Variants in NMNAT2 observed in about 807,000 individuals in gnomAD.
The protein encoded by NMNAT2 is nicotinamide nucleotide adenylyltransferase 2.
NMNAT2 carries 11 observed loss-of-function variants against 41.6 expected under a neutral mutation model. The ratio of observed to expected loss-of-function variants is 0.26; its 90% CI spans 0.17 to 0.44. The LOEUF (loss-of-function observed/expected upper bound fraction) is 0.44. Ranked by LOEUF, NMNAT2 falls within the 20% of genes least tolerant of loss-of-function variation. NMNAT2 has a pLI of 1.00. For missense variants in NMNAT2, 288 were observed against 407.7 expected (o/e 0.71, Z 2.53); for synonymous variants, 148 against 151.2 (o/e 0.98, Z 0.16).
At chr1:183,287,114 G>T (rs1401231710) in intron 4 of NMNAT2, among the ~76,000 whole-genome samples, 2 of 152,076 alleles carry the variant, frequency 1.3e-5, no homozygotes, top group Non-Finnish European at 2.9e-5. Flanking sequence ...GTCTTTTTCA[G>T]TTGTGGTCGG....
intron 1 of NMNAT2, among the ~76,000 whole-genome samples, chr1:183,316,275 A>G (rs112751399): frequency 0.063 from 9,553 of 152,192 alleles, 852 homozygotes; most frequent in African/African-American, 0.2. Flanking sequence ...TGAAGAGGGA[A>G]AGGGTGGCAG....
At chr1:183,383,824 C>A (rs1013239012) in intron 1 of NMNAT2, among the ~76,000 whole-genome samples, 6 of 152,226 alleles carry the variant, frequency 3.9e-5, no homozygotes, top group African/African-American at 1.4e-4. Flanking sequence ...TTGGTCACAA[C>A]AATTTAACAA....
chr1:183,294,745 G>A lies in NMNAT2; in HGVS notation c.86-952C>T, dbSNP rs558759772. On this transcript the variant is annotated intron_variant, in intron 1 of 10. Transcript: ENST00000287713. Reference sequence around the variant, plus strand: ...GCAGAGATTGCAGTGAGCTGAGATCGTGCCACTGCACTCCAGCCTGGGTGA... The same window carrying A: ...GCAGAGATTGCAGTGAGCTGAGATCATGCCACTGCACTCCAGCCTGGGTGA... Among the ~76,000 whole-genome samples, 128 of 152,184 alleles carry A rather than the reference G, an allele frequency of 8.4e-4. 1 individual carries two copies. The highest frequency in any genetic ancestry group is 2.9e-3 in the African/African-American group (119 of 41,534).
chr1:183,377,804 A>G (rs1663712484), intron 1 of NMNAT2, among the ~76,000 whole-genome samples: 2 of 152,244 alleles, frequency 1.3e-5, no homozygotes, highest in South Asian at 4.1e-4. Context: ...TGGGTGTTGG[A>G]GCTATCAGAT....
At chr1:183,278,410 G>A in intron 8 of NMNAT2, 143 bp downstream of exon 8, 1 of 609,738 alleles carries the variant, frequency 1.6e-6, no homozygotes, top group South Asian at 1.9e-5. Context: ...TTGGGGGTAG[G>A]TGAGAATTTT....
intron 1 of NMNAT2, among the ~76,000 whole-genome samples, chr1:183,339,878 T>G (rs536375451): frequency 6.6e-6 from 1 of 151,934 alleles, no homozygotes; most frequent in African/African-American, 2.4e-5. Flanking sequence ...GTTGGAAGCA[T>G]TCATGAATGC....
intron 1 of NMNAT2, among the ~76,000 whole-genome samples, chr1:183,360,895 T>C (rs1054330665): frequency 1.3e-5 from 2 of 152,226 alleles, no homozygotes; most frequent in East Asian, 3.8e-4. Context: ...AAAAAATACA[T>C]AATTATAAAA....
At chr1:183,274,016 A>C (rs1195505367) in intron 8 of NMNAT2, among the ~76,000 whole-genome samples, 1 of 151,394 alleles carries the variant, frequency 6.6e-6, no homozygotes, top group African/African-American at 2.4e-5. Flanking sequence ...GGGTTCATGC[A>C]ATTCCCCTGC....
intron 1 of NMNAT2, among the ~76,000 whole-genome samples, chr1:183,384,048 A>C (rs75033236): frequency 0.15 from 23,273 of 152,170 alleles, 1,997 homozygotes; most frequent in East Asian, 0.26. Context: ...TTTATAAAGA[A>C]AAGAGGTTTT....
intron 1 of NMNAT2, among the ~76,000 whole-genome samples, chr1:183,351,068 A>G (rs1207635492): frequency 6.6e-6 from 1 of 152,210 alleles, no homozygotes; most frequent in Non-Finnish European, 1.5e-5. Context: ...GTCATTCAGC[A>G]TCTCTATCCT....
chr1:183,271,696 TTAA>T (rs1333627601), intron 8 of NMNAT2, among the ~76,000 whole-genome samples: 2 of 152,214 alleles, frequency 1.3e-5, no homozygotes, highest in African/African-American at 4.8e-5. Context: ...TCCTGGGCAC[TTAA>T]TAAGCATTTG....
chr1:183,283,725 T>G (rs746093326), intron 7 of NMNAT2: 6 of 474,924 alleles, frequency 1.3e-5, no homozygotes, highest in Non-Finnish European at 2.3e-5. Context: ...ACTTTCATGT[T>G]TTTTAGAGGA....
intron 1 of NMNAT2, among the ~76,000 whole-genome samples, chr1:183,386,680 C>T (rs1482578831): frequency 2.6e-5 from 4 of 151,992 alleles, no homozygotes; most frequent in Non-Finnish European, 4.4e-5. Context: ...ATGTATTCTG[C>T]CTTTTTCACT....
intron 8 of NMNAT2, among the ~76,000 whole-genome samples, chr1:183,275,546 C>T (rs527300543): frequency 3.3e-5 from 5 of 151,798 alleles, no homozygotes; most frequent in Admixed American, 3.3e-4. Flanking sequence ...CCTGGGCAAA[C>T]TAGATGTGGG....
chr1:183,286,411 C>T lies in NMNAT2; in HGVS notation c.448+251G>A, dbSNP rs548939099. Reference sequence around the variant, plus strand: ...CCGGCCCTACGTTTATATTTAAATGCAGGAGAAGAGTGCACACCACCACCT... The same window carrying T: ...CCGGCCCTACGTTTATATTTAAATGTAGGAGAAGAGTGCACACCACCACCT... On this transcript the variant is annotated intron_variant, in intron 5 of 10. Coordinates refer to ENST00000287713, the MANE Select transcript of NMNAT2 (RefSeq NM_015039.4). 2.6e-5 allele frequency among the ~76,000 whole-genome samples: 4 copies of T among 152,240 alleles called. No homozygotes were observed. The East Asian group carries it at 7.7e-4, about 29-fold the overall frequency.
chr1:183,286,675 G>A lies in NMNAT2; in HGVS notation c.435C>T (p.Thr145=), dbSNP rs1472015355. Reference sequence around the variant, plus strand: ...GTGTTCCCCTACCTGCAGTGGGCTTGGTGGCCACGTTGCTGTTCTGGTAAA... The same window carrying A: ...GTGTTCCCCTACCTGCAGTGGGCTTAGTGGCCACGTTGCTGTTCTGGTAAA... The part of the protein sequence containing the change: ...QPIYQNSNVA[T]KPTAAKILGK... The change falls in exon 5 of 11, where the codon ACC becomes ACT. Residue 145 remains threonine, a synonymous_variant. Transcript: ENST00000287713. The A allele has an allele frequency of 4.3e-6, 7 of 1,610,008 alleles. No individual in the cohort carries two copies. Among genetic ancestry groups the A allele is most frequent in the Non-Finnish European group, 5.1e-6 (6 of 1,178,190 alleles).
At position 183,389,829 on chromosome 1, in the gene NMNAT2, A is replaced by G. The variant is rs1375158502; in HGVS notation, c.85+28354T>C. On this transcript the variant is annotated intron_variant, in intron 1 of 10. Coordinates refer to ENST00000287713, the MANE Select transcript of NMNAT2 (RefSeq NM_015039.4). ...GAAAGAAAGAAAGAAAGAAAGAAAG[A>G]AAGAAAGAAAGAAAGGAAAAAAGAG... 1.4e-4 allele frequency among the ~76,000 whole-genome samples: 9 copies of G among 62,720 alleles called. 1 individual carries two copies. The highest frequency in any genetic ancestry group is 2.0e-4 in the African/African-American group (4 of 19,884). 41.1% of individuals were successfully genotyped at this position (62,720 alleles called of 152,430 possible).
chr1:183,282,957 CACAAAATTCCTGAAA>C (rs1368939254), intron 7 of NMNAT2: 1 of 152,032 alleles, frequency 6.6e-6, no homozygotes, highest in African/African-American at 2.4e-5. Flanking sequence ...AAAACTGGTT[CACAAAATTCCTGAAA>C]ACTTTACAAA....
At chr1:183,381,126 T>C (rs908644632) in intron 1 of NMNAT2, among the ~76,000 whole-genome samples, 1 of 151,880 alleles carries the variant, frequency 6.6e-6, no homozygotes, top group Non-Finnish European at 1.5e-5. Flanking sequence ...CTAGGAAGGG[T>C]CAAAGGATGG....
Sources: allele counts gnomAD v4.1 joint callset (sites outside exome capture counted in the v4.1 genomes callset), GRCh38; gene constraint gnomAD v4.1.1; transcripts MANE v1.5; gene names NCBI Gene and HGNC (gene_info 2026-07-23, HGNC 2026-07-21).